Variants in CACNA2D1 observed in about 807,000 individuals in gnomAD.
CACNA2D1 encodes the protein calcium voltage-gated channel auxiliary subunit alpha2delta 1.
In CACNA2D1, 53 loss-of-function variants were observed where a neutral mutation model predicts 171.5. That is an observed-to-expected ratio of 0.31 (90% CI 0.25 to 0.39). The LOEUF is 0.39. Among genes scored for constraint, CACNA2D1 ranks in the 10% least tolerant of loss-of-function variants. The pLI is 1.00. For missense variants in CACNA2D1, 903 were observed against 1,299.8 expected, an observed-to-expected ratio of 0.69 and a Z score of 4.69; for synonymous variants, 442 against 443.1, an observed-to-expected ratio of 1.00 and a Z score of 0.03.
At chr7:82,281,586 T>C (rs1810108223) in intron 3 of CACNA2D1, among the ~76,000 whole-genome samples, 1 of 152,230 alleles carries the variant, frequency 6.6e-6, no homozygotes, top group Non-Finnish European at 1.5e-5. Context: ...CTATAATATT[T>C]ATAAAATTCA....
At chr7:82,368,559 A>G (rs1192669514) in intron 1 of CACNA2D1, among the ~76,000 whole-genome samples, 1 of 152,238 alleles carries the variant, frequency 6.6e-6, no homozygotes, top group Non-Finnish European at 1.5e-5. Context: ...ATTAGTTCCA[A>G]GAAATGTATT....
At chr7:82,046,186 AT>A (rs1385811884) in intron 10 of CACNA2D1, among the ~76,000 whole-genome samples, 1 of 152,190 alleles carries the variant, frequency 6.6e-6, no homozygotes, top group East Asian at 1.9e-4. Flanking sequence ...TCTATCTTTA[AT>A]ATAGGTCCTA....
chr7:81,948,702 A>T lies in CACNA2D1; in HGVS notation c.*1690T>A, dbSNP rs897379039. 9.9e-5 allele frequency: 15 copies of T among 151,946 alleles called. No individual in the cohort carries two copies. Among genetic ancestry groups the T allele is most frequent in the African/African-American group, 3.6e-4 (15 of 41,420 alleles). The allele number at this position is 151,946 out of a possible 1,614,324, so 9.4% of individuals were successfully genotyped here. A position where few individuals can be genotyped will look rare whatever the true frequency, so the allele number is the denominator to read the frequency against. Reference sequence around the variant, plus strand: ...GCATATACACATACCAGTAATTGGCATGTTCCAAAAAAAGAAAAACTGCAT... The same window carrying T: ...GCATATACACATACCAGTAATTGGCTTGTTCCAAAAAAAGAAAAACTGCAT... On this transcript the variant is annotated 3_prime_UTR_variant, in exon 39 of 39. Transcript: ENST00000356860.
intron 3 of CACNA2D1, among the ~76,000 whole-genome samples, chr7:82,187,792 G>A (rs1203289382): frequency 1.3e-5 from 2 of 151,992 alleles, no homozygotes; most frequent in African/African-American, 4.8e-5. Context: ...CCATAGACTG[G>A]GTAACTTAAA....
At chr7:82,342,560 C>T (rs573856351) in intron 2 of CACNA2D1, among the ~76,000 whole-genome samples, 1 of 152,208 alleles carries the variant, frequency 6.6e-6, no homozygotes, top group South Asian at 2.1e-4. Flanking sequence ...AAATACAACA[C>T]CGATACAATA....
chr7:82,373,804 C>G (rs1018415460), intron 1 of CACNA2D1, among the ~76,000 whole-genome samples: 4 of 152,172 alleles, frequency 2.6e-5, no homozygotes, highest in Non-Finnish European at 5.9e-5. Context: ...CAGAATAAAT[C>G]TATGCATTAG....
intron 18 of CACNA2D1, among the ~76,000 whole-genome samples, chr7:81,999,472 A>G (rs146057185): frequency 2.0e-5 from 3 of 152,324 alleles, no homozygotes; most frequent in East Asian, 3.9e-4. Flanking sequence ...TGTGGAAACG[A>G]AAGAATGAAA....
intron 1 of CACNA2D1, among the ~76,000 whole-genome samples, chr7:82,382,792 T>A (rs1163763505): frequency 1.3e-5 from 2 of 152,208 alleles, no homozygotes; most frequent in Admixed American, 6.5e-5. Flanking sequence ...AAGTGACATG[T>A]TCAGATATCT....
intron 6 of CACNA2D1, among the ~76,000 whole-genome samples, chr7:82,086,279 C>A (rs1027502624): frequency 6.6e-6 from 1 of 152,148 alleles, no homozygotes; most frequent in African/African-American, 2.4e-5. Flanking sequence ...AAAGTTGTAT[C>A]ATTTACCAAA....
intron 24 of CACNA2D1, among the ~76,000 whole-genome samples, chr7:81,979,639 T>C (rs1316404961): frequency 6.6e-6 from 1 of 152,162 alleles, no homozygotes; most frequent in Non-Finnish European, 1.5e-5. Flanking sequence ...TGCGGGACCC[T>C]GTTTTTGTTG....
chr7:82,083,522 G>T (rs1357025042), intron 7 of CACNA2D1, among the ~76,000 whole-genome samples: 2 of 151,692 alleles, frequency 1.3e-5, no homozygotes, highest in Non-Finnish European at 2.9e-5. Flanking sequence ...GTTTAGAAAG[G>T]TTCTACTAAA....
At chr7:82,000,117 GGC>G (rs1798432355) in intron 18 of CACNA2D1, among the ~76,000 whole-genome samples, 1 of 152,024 alleles carries the variant, frequency 6.6e-6, no homozygotes, top group Non-Finnish European at 1.5e-5. Context: ...AAATTAGATG[GGC>G]ATGGTGGCCA....
intron 3 of CACNA2D1, among the ~76,000 whole-genome samples, chr7:82,267,577 T>C (rs1413434611): frequency 6.6e-6 from 1 of 152,172 alleles, no homozygotes; most frequent in Non-Finnish European, 1.5e-5. Context: ...GCCTGGAAGT[T>C]CTAATAGGGT....
At chr7:82,410,454 C>A in intron 1 of CACNA2D1, 1 of 950,026 alleles carries the variant, frequency 1.1e-6, no homozygotes. Flanking sequence ...ATTGGCTTAG[C>A]CTTAAGAAAA....
chr7:82,357,817 A>T (rs1203969968), intron 1 of CACNA2D1, among the ~76,000 whole-genome samples: 2 of 151,810 alleles, frequency 1.3e-5, no homozygotes, highest in Admixed American at 1.3e-4. Context: ...CGTATGTAAC[A>T]AACCTGCACA....
intron 3 of CACNA2D1, among the ~76,000 whole-genome samples, chr7:82,216,418 G>A (rs759982403): frequency 2.2e-4 from 33 of 152,000 alleles, no homozygotes; most frequent in Non-Finnish European, 4.3e-4. Flanking sequence ...TCCTCTTTCT[G>A]TTTTCAAATA....
intron 3 of CACNA2D1, among the ~76,000 whole-genome samples, chr7:82,216,461 A>G (rs1801107981): frequency 6.6e-6 from 1 of 152,186 alleles, no homozygotes; most frequent in African/African-American, 2.4e-5. Flanking sequence ...TCACCACACA[A>G]AGCAAATCTT....
chr7:82,038,053 C>A, intron 11 of CACNA2D1, 24 bp downstream of exon 11: 1 of 1,609,756 alleles, frequency 6.2e-7, no homozygotes, highest in East Asian at 2.2e-5. Context: ...ACAACAACAA[C>A]AAAAGACATA....
chr7:82,200,910 C>G (rs79997830), intron 3 of CACNA2D1, among the ~76,000 whole-genome samples: 1 of 152,092 alleles, frequency 6.6e-6, no homozygotes, highest in Non-Finnish European at 1.5e-5. Flanking sequence ...GACTGGAGAA[C>G]GATAAGGCAT....
Sources: gnomAD v4.1 joint callset for allele counts (sites outside exome capture counted in the v4.1 genomes callset) on GRCh38, gnomAD v4.1.1 for gene constraint, MANE v1.5 for transcripts, NCBI Gene and HGNC (gene_info 2026-07-23, HGNC 2026-07-21) for gene names.